The following TMTC1 variants were observed in gnomAD, a reference collection of about 807,000 sequenced individuals.
The protein encoded by TMTC1 is protein O-mannosyl-transferase TMTC1.
In TMTC1, 73 loss-of-function variants were observed where a neutral mutation model predicts 104.8. The observed-to-expected ratio is 0.70, with a 90% CI of 0.58 to 0.85. TMTC1 has a LOEUF of 0.85. TMTC1 is among the 40% of genes least tolerant of loss of function. The probability of loss-of-function intolerance (pLI) is 0.00; values close to 1 mark genes in which losing one functional copy is unlikely to be tolerated. For missense variants in TMTC1, 1,035 were observed against 1,096.1 expected, an observed-to-expected ratio of 0.94 and a Z score of 0.79; for synonymous variants, 434 against 428.7, an observed-to-expected ratio of 1.01 and a Z score of -0.15.
Position 29,514,558 on chromosome 12 carries a change from G to A in TMTC1, c.2354C>T (p.Pro785Leu), listed in dbSNP as rs1309756553. 1.4e-5 allele frequency: 22 copies of A among 1,613,922 alleles called. No homozygotes were observed. The highest frequency in any genetic ancestry group is 1.9e-5 in the Non-Finnish European group (22 of 1,179,912). ...GAAAAAAAGTTCAGAAATGACTTTT[G>A]GGTCCTTTGGTTTCAGCTGGAGAGC... ...DKALQLKPKD[P>L]KVISELFFTK... The change falls in exon 16 of 18, where the codon CCA (proline) becomes CTA (leucine). Residue 785 changes from proline to leucine, a missense_variant. Physicochemically the swap from Pro to Leu is moderately conservative, Grantham distance 98. Coordinates refer to ENST00000539277, the MANE Select transcript of TMTC1 (RefSeq NM_001193451.2).
At chr12:29,577,114 G>T (rs1418864941) in intron 8 of TMTC1, among the ~76,000 whole-genome samples, 1 of 152,138 alleles carries the variant, frequency 6.6e-6, no homozygotes, top group East Asian at 1.9e-4. Context: ...ATAGCCTGAA[G>T]GTTGTATGTT....
In TMTC1 at chr12:29,502,355, A is replaced by G. The variant is rs1943612652; in HGVS notation, c.*4491T>C. ...AAGCAAAAGTTTTTTTTTTTTTCAA[A>G]AACAGATTCTAACAAGTACAAAGAA... On this transcript the variant is annotated 3_prime_UTR_variant, in exon 18 of 18. Transcript: ENST00000539277. 2 of 138,872 alleles carry G rather than the reference A, an allele frequency of 1.4e-5. No individual in the cohort carries two copies. Among genetic ancestry groups the G allele is most frequent in the Non-Finnish European group, 1.6e-5 (1 of 62,484 alleles). 8.6% of individuals were successfully genotyped at this position (138,872 alleles called of 1,614,324 possible). A position where few individuals can be genotyped will look rare whatever the true frequency, so the allele number is the denominator to read the frequency against.
At chr12:29,540,702 T>C in intron 10 of TMTC1, among the ~76,000 whole-genome samples, 1 of 150,780 alleles carries the variant, frequency 6.6e-6, no homozygotes. Context: ...AAAATCACCG[T>C]AGTTTTGGCC....
chr12:29,591,045 T>C (rs1319983371), intron 7 of TMTC1, among the ~76,000 whole-genome samples: 1 of 152,170 alleles, frequency 6.6e-6, no homozygotes, highest in Non-Finnish European at 1.5e-5. Flanking sequence ...TCAAATAACA[T>C]GAAAAATGTT....
chr12:29,663,358 T>A (rs980815512), intron 5 of TMTC1, among the ~76,000 whole-genome samples: 1 of 152,158 alleles, frequency 6.6e-6, no homozygotes, highest in Non-Finnish European at 1.5e-5. Context: ...GTAATACATC[T>A]GAATAAAAAG....
chr12:29,619,571 C>T (rs7960236), intron 6 of TMTC1, among the ~76,000 whole-genome samples: 69,385 of 152,046 alleles, frequency 0.46, 16,643 homozygotes, highest in African/African-American at 0.6. Flanking sequence ...AGAAATCCAG[C>T]GATGGTAGCA....
chr12:29,529,216 G>A (rs180851305), intron 11 of TMTC1, among the ~76,000 whole-genome samples: 2 of 152,158 alleles, frequency 1.3e-5, no homozygotes, highest in African/African-American at 4.8e-5. Flanking sequence ...TATTAGGAAA[G>A]TGCATAAACC....
intron 5 of TMTC1, chr12:29,661,419 AT>A (rs773889232): frequency 0.19 from 70,591 of 370,186 alleles, 1,181 homozygotes; most frequent in South Asian, 0.21. Flanking sequence ...AGGTTAAGTA[AT>A]TTTTTTTTTT....
intron 6 of TMTC1, among the ~76,000 whole-genome samples, chr12:29,624,260 G>A (rs188345517): frequency 3.5e-4 from 53 of 152,132 alleles, no homozygotes; most frequent in African/African-American, 1.2e-3. Context: ...GATTACAGGC[G>A]TGAGCCACTG....
chr12:29,551,778 T>G (rs1592219106), intron 10 of TMTC1, among the ~76,000 whole-genome samples: 1 of 146,246 alleles, frequency 6.8e-6, no homozygotes, highest in East Asian at 1.9e-4. Context: ...CTTGCCTATT[T>G]TCTTTCTTCT....
At chr12:29,699,242 A>G (rs976216184) in intron 5 of TMTC1, among the ~76,000 whole-genome samples, 2 of 152,348 alleles carry the variant, frequency 1.3e-5, no homozygotes, top group Non-Finnish European at 1.5e-5. Flanking sequence ...TGATGTGTCA[A>G]CTTGGAAATA....
At chr12:29,572,593 C>A (rs895736981) in intron 8 of TMTC1, among the ~76,000 whole-genome samples, 1 of 152,144 alleles carries the variant, frequency 6.6e-6, no homozygotes, top group Non-Finnish European at 1.5e-5. Context: ...AATGGTATAT[C>A]TGAGAGCACA....
In TMTC1 at chr12:29,783,411, G is replaced by C. The variant is rs1943882061; in HGVS notation, c.302+39C>G. 2 of 1,283,370 alleles carry C rather than the reference G, an allele frequency of 1.6e-6. No homozygotes were observed. The highest frequency in any genetic ancestry group is 1.5e-5 in the African/African-American group (1 of 65,252). 79.5% of individuals were successfully genotyped at this position (1,283,370 alleles called of 1,614,324 possible). A position where few individuals can be genotyped will look rare whatever the true frequency, so the allele number is the denominator to read the frequency against. ...CGGTCCGAGGGACGGGCGGAGGGTA[G>C]AGGAGGCAGCGGCGGCTAGCGCGAG... On this transcript the variant is annotated intron_variant, in intron 1 of 17. Coordinates refer to ENST00000539277, the MANE Select transcript of TMTC1 (RefSeq NM_001193451.2). This position sits in a 1 kb window ranked among gnomAD's most constrained non-coding sequence, Gnocchi z 4.7.
intron 11 of TMTC1, chr12:29,529,774 A>C (rs1449905745): frequency 6.6e-6 from 1 of 152,174 alleles, no homozygotes; most frequent in Non-Finnish European, 1.5e-5. Flanking sequence ...ATTCTCTTTC[A>C]TATCCAACTA....
At chr12:29,704,955 T>A (rs1941699388) in intron 5 of TMTC1, among the ~76,000 whole-genome samples, 1 of 152,216 alleles carries the variant, frequency 6.6e-6, no homozygotes, top group Non-Finnish European at 1.5e-5. Context: ...TTATATGTTA[T>A]ATGAAGAAAA....
intron 5 of TMTC1, among the ~76,000 whole-genome samples, chr12:29,673,164 A>G (rs577863496): frequency 2.0e-5 from 3 of 152,358 alleles, no homozygotes; most frequent in Non-Finnish European, 4.4e-5. Flanking sequence ...GAGATACATT[A>G]TACTTTAAGA....
chr12:29,709,417 G>T (rs1194553119), intron 5 of TMTC1, among the ~76,000 whole-genome samples: 1 of 151,996 alleles, frequency 6.6e-6, no homozygotes, highest in East Asian at 1.9e-4. Context: ...AATACCCAGA[G>T]AGCTAAGAAA....
At chr12:29,644,380 C>T (rs7961029) in intron 5 of TMTC1, among the ~76,000 whole-genome samples, 3,295 of 150,878 alleles carry the variant, frequency 0.022, 121 homozygotes, top group African/African-American at 0.076. Flanking sequence ...GTGAGAGGGG[C>T]GAGGGATAAA....
intron 1 of TMTC1, among the ~76,000 whole-genome samples, chr12:29,773,499 C>T (rs916769201): frequency 5.3e-5 from 8 of 152,070 alleles, no homozygotes; most frequent in African/African-American, 1.9e-4. Flanking sequence ...AGAGTCCTTC[C>T]TCAAAAGGAC....
Sources: gnomAD v4.1 joint callset for allele counts (sites outside exome capture counted in the v4.1 genomes callset) on GRCh38, gnomAD v4.1.1 for gene constraint, Gnocchi (gnomAD v3.1) non-coding constraint, MANE v1.5 for transcripts, NCBI Gene and HGNC (gene_info 2026-07-23, HGNC 2026-07-21) for gene names.